Variants in MRPS2 observed in about 807,000 individuals in gnomAD.
MRPS2 encodes mitochondrial ribosomal protein S2, also known as small ribosomal subunit protein uS2m.
A neutral mutation model predicts 18.9 loss-of-function variants in MRPS2; 13 were observed. The ratio of observed to expected loss-of-function variants is 0.69; its 90% CI spans 0.45 to 1.09. The LOEUF is 1.09. Among genes scored for constraint, MRPS2 ranks in the 50% least tolerant of loss-of-function variants. The pLI is 0.00. For missense variants in MRPS2, 389 were observed against 421.7 expected (o/e 0.92, Z 0.68); for synonymous variants, 186 against 178.4 (o/e 1.04, Z -0.34).
At chr9:135,503,243 T>G in intron 3 of MRPS2, 1 of 1,242,132 alleles carries the variant, frequency 8.1e-7, no homozygotes, top group Non-Finnish European at 1.0e-6. Flanking sequence ...GAATGTCCTT[T>G]TGGCGTCATG....
upstream of MRPS2, chr9:135,500,451 C>G (rs917313819): frequency 4.5e-6 from 2 of 440,748 alleles, no homozygotes; most frequent in East Asian, 7.3e-5. Context: ...CCCGGGCTGG[C>G]CGGTCCCATT....
chr9:135,502,091 C>G, intron 3 of MRPS2, 118 bp downstream of exon 3: 1 of 1,524,384 alleles, frequency 6.6e-7, no homozygotes, highest in Non-Finnish European at 8.8e-7. Flanking sequence ...ACAGCCCCAT[C>G]CTCCTCCACA....
At chr9:135,501,494 C>T in intron 2 of MRPS2, 1 of 820,802 alleles carries the variant, frequency 1.2e-6, no homozygotes, top group Non-Finnish European at 1.6e-6. Flanking sequence ...TGGGGACTTT[C>T]TGGCTGGCCA....
At chr9:135,503,382 T>C in intron 3 of MRPS2, 160 bp from the exon 4 acceptor site, 1 of 1,400,440 alleles carries the variant, frequency 7.1e-7, no homozygotes. Context: ...TGCACTGCTG[T>C]CCATGCACAC....
chr9:135,501,772 C>T, intron 2 of MRPS2, 72 bp from the exon 3 acceptor site: 1 of 1,580,500 alleles, frequency 6.3e-7, no homozygotes, highest in Non-Finnish European at 8.6e-7. Context: ...CAGGGGTGGG[C>T]GGGAACTGCG....
At chr9:135,500,654 G>A (rs1438627990), upstream of MRPS2, 2 of 1,404,460 alleles carry the variant, frequency 1.4e-6, no homozygotes, top group South Asian at 1.6e-5. Flanking sequence ...GGCGACGGAA[G>A]GGGAGGCCGC....
At chr9:135,501,209 G>A in intron 2 of MRPS2, 86 bp downstream of exon 2, 3 of 1,460,300 alleles carry the variant, frequency 2.1e-6, no homozygotes, top group Non-Finnish European at 1.8e-6. Context: ...GGGCCTGGGC[G>A]CTGCACGCGG....
intron 2 of MRPS2, 172 bp downstream of exon 2, chr9:135,501,295 C>A: frequency 2.8e-6 from 4 of 1,423,074 alleles, no homozygotes; most frequent in Non-Finnish European, 3.7e-6. Flanking sequence ...CGTAGCACAG[C>A]GGGCTGAGGC....
Position 135,504,252 on chromosome 9 carries a change from T to C in MRPS2, c.*119T>C. Reference sequence around the variant, plus strand: ...GTTACTTACTCAGCTGATGTCACAGTGCAGACATCCACCGTTCCACCACAG... The same window carrying C: ...GTTACTTACTCAGCTGATGTCACAGCGCAGACATCCACCGTTCCACCACAG... On this transcript the variant is annotated 3_prime_UTR_variant, in exon 4 of 4. Coordinates refer to ENST00000241600, the MANE Select transcript of MRPS2 (RefSeq NM_016034.5). This position sits in a 1 kb window ranked among gnomAD's most constrained non-coding sequence, Gnocchi z 4.3. 3.2e-6 allele frequency: 3 copies of C among 932,274 alleles called. No homozygotes were observed. Among genetic ancestry groups the C allele is most frequent in the Non-Finnish European group, 4.7e-6 (3 of 638,492 alleles). The allele number at this position is 932,274 out of a possible 1,614,324, so 57.8% of individuals were successfully genotyped here. A position where few individuals can be genotyped will look rare whatever the true frequency, so the allele number is the denominator to read the frequency against.
chr9:135,503,521 C>A (rs1355822780), intron 3 of MRPS2, 21 bp from the exon 4 acceptor site: 2 of 1,604,046 alleles, frequency 1.2e-6, no homozygotes, highest in African/African-American at 2.7e-5. Flanking sequence ...ATCCCCCTTG[C>A]CTTGGTGGGG....
chr9:135,503,246 G>A, intron 3 of MRPS2: 1 of 1,251,194 alleles, frequency 8.0e-7, no homozygotes, highest in Non-Finnish European at 1.0e-6. Context: ...TGTCCTTTTG[G>A]CGTCATGTTG....
chr9:135,503,359 G>T, intron 3 of MRPS2, 183 bp from the exon 4 acceptor site: 2 of 1,419,472 alleles, frequency 1.4e-6, no homozygotes, highest in Non-Finnish European at 1.8e-6. Context: ...CAGAGGGGTG[G>T]CCTGGATGGG....
At position 135,503,906 on chromosome 9, in the gene MRPS2, A is replaced by T; in HGVS notation, c.664A>T (p.Ile222Phe). ...AAKMNIPTVG[I>F]VDTNCNPCLI... ...CAAGATGAACATCCCCACAGTGGGC[A>T]TCGTGGACACCAACTGCAACCCCTG... The change falls in exon 4 of 4, where the codon ATC becomes TTC. Residue 222 changes from isoleucine to phenylalanine, a missense_variant. Ile to Phe is a conservative substitution (Grantham distance 21, BLOSUM62 0). Transcript: ENST00000241600. The T allele has an allele frequency of 6.2e-7, 1 of 1,614,004 alleles. No homozygotes were observed.
In MRPS2 at chr9:135,504,109, G is replaced by A. The variant is rs753472425; in HGVS notation, c.867G>A (p.Gly289=). The stretch of plus-strand genomic sequence containing the variant: ...ACCAGGGGCCAGCCCACCCTCCTGG[G>A]GCTGACATGAGCCATTCCCTGTGAT... ...PGDQGPAHPP[G]ADMSHSL The change falls in exon 4 of 4, where the codon GGG becomes GGA. Residue 289 remains glycine, a synonymous_variant. Transcript: ENST00000241600. The surrounding 1 kb of genome is among the most constrained non-coding windows in gnomAD (Gnocchi z 4.3). 1.1e-5 allele frequency: 18 copies of A among 1,608,864 alleles called. No homozygotes were observed. In the East Asian group the frequency reaches 3.8e-4, roughly 34 times the overall value.
chr9:135,503,814 A>C lies in MRPS2; in HGVS notation c.572A>C (p.Asp191Ala), dbSNP rs965894250. 3.1e-6 allele frequency: 5 copies of C among 1,613,400 alleles called. No homozygotes were observed. Among genetic ancestry groups the C allele is most frequent in the Non-Finnish European group, 4.2e-6 (5 of 1,180,000 alleles). ...LLFGPTVRLP[D>A]LIIFLHTLNN... is the part of the protein sequence containing the mutation. ...TTTGGCCCCACGGTCCGCCTGCCGG[A>C]CCTCATCATCTTCCTGCACACGCTC... is the stretch of plus-strand genomic sequence containing the variant. The change falls in exon 4 of 4, where the codon GAC (aspartate) becomes GCC (alanine). Residue 191 changes from aspartate (D) to alanine (A), a missense_variant. Physicochemically the swap from Asp to Ala is moderately radical, Grantham distance 126 (BLOSUM62 -2). Coordinates refer to ENST00000241600, the MANE Select transcript of MRPS2 (RefSeq NM_016034.5).
chr9:135,501,025 G>T lies in MRPS2; in HGVS notation c.71G>T (p.Gly24Val), dbSNP rs138860958. 1 of 1,611,732 alleles carries T rather than the reference G, an allele frequency of 6.2e-7. No individual in the cohort carries two copies. Among genetic ancestry groups the T allele is most frequent in the South Asian group, 1.1e-5 (1 of 90,978 alleles). Residue 24 changes from glycine (G) to valine (V), a missense_variant, in exon 2 of 4, where the codon GGC (glycine) becomes GTC (valine). By Grantham distance (109) the Gly-to-Val change is moderately radical. Coordinates refer to ENST00000241600, the MANE Select transcript of MRPS2 (RefSeq NM_016034.5). Reference sequence around the variant, plus strand: ...GCCCGGGCCCCGTCGCGCTGGTTGGGCTTTCTCGGGAAGGCGACCCCCCGG... The same window carrying T: ...GCCCGGGCCCCGTCGCGCTGGTTGGTCTTTCTCGGGAAGGCGACCCCCCGG... The part of the protein sequence containing the change: ...AGARAPSRWL[G>V]FLGKATPRPA...
chr9:135,501,262 C>A, intron 2 of MRPS2, 139 bp downstream of exon 2: 5 of 1,430,756 alleles, frequency 3.5e-6, no homozygotes, highest in South Asian at 3.0e-5. Context: ...CTCCCGTGCT[C>A]GCCGCCGCTC....
intron 2 of MRPS2, chr9:135,501,339 G>A: frequency 7.1e-7 from 1 of 1,406,098 alleles, no homozygotes; most frequent in Non-Finnish European, 9.2e-7. Context: ...GAGAGGGAGC[G>A]GGCGGGCCAG....
In MRPS2 at chr9:135,504,157, A is replaced by C; in HGVS notation, c.*24A>C. ...GATGTTCACTCTCCTCCCAAAGCAA[A>C]CCACAGCCAAGCCTGTCTGAGCTGG... On this transcript the variant is annotated 3_prime_UTR_variant, in exon 4 of 4. Coordinates refer to ENST00000241600, the MANE Select transcript of MRPS2 (RefSeq NM_016034.5). This position sits in a 1 kb window ranked among gnomAD's most constrained non-coding sequence, Gnocchi z 4.3. The C allele has an allele frequency of 6.5e-7, 1 of 1,542,358 alleles. No individual in the cohort carries two copies.
Sources: allele counts gnomAD v4.1 joint callset, GRCh38; gene constraint gnomAD v4.1.1; non-coding constraint Gnocchi (gnomAD v3.1); transcripts MANE v1.5; gene names NCBI Gene and HGNC (gene_info 2026-07-23, HGNC 2026-07-21).